The following DNAH3 variants were observed in gnomAD, a reference collection of about 807,000 sequenced individuals.
DNAH3 encodes dynein axonemal heavy chain 3.
DNAH3 carries 332 observed loss-of-function variants against 432.5 expected under a neutral mutation model. The observed-to-expected ratio is 0.77, with a 90% CI of 0.70 to 0.84. The LOEUF (loss-of-function observed/expected upper bound fraction) is 0.84. DNAH3 is among the 40% of genes least tolerant of loss of function. DNAH3 has a pLI of 0.00. For missense variants in DNAH3, 4,861 were observed against 5,114.0 expected (o/e 0.95, Z 1.51); for synonymous variants, 1,956 against 1,900.2 (o/e 1.03, Z -0.76).
At chr16:20,980,241 A>AATATACATCATATATTATAT (rs1567571879) in intron 49 of DNAH3, among the ~76,000 whole-genome samples, 19 of 97,824 alleles carry the variant, frequency 1.9e-4, no homozygotes, top group South Asian at 1.2e-3. Flanking sequence ...TATATTATAT[A>AATATACATCATATATTATAT]TATAATATAC....
intron 16 of DNAH3, among the ~76,000 whole-genome samples, chr16:21,099,285 G>GATGGATGA (rs1395153443): frequency 1.3e-5 from 2 of 152,040 alleles, no homozygotes; most frequent in African/African-American, 4.8e-5. Flanking sequence ...CAGATGGATG[G>GATGGATGA]ATGGATGAAT....
In DNAH3 at chr16:20,936,399, G is replaced by A. The variant is rs548685295; in HGVS notation, c.11859+250C>T. ...TCGAACTCCTGACCTCAAGTGATCCGCCTGCCTCGGCCTCCCAGAGTGCTG... is the reference window on the plus strand; with the variant it reads ...TCGAACTCCTGACCTCAAGTGATCCACCTGCCTCGGCCTCCCAGAGTGCTG... On this transcript the variant is annotated intron_variant, in intron 60 of 61. Coordinates refer to ENST00000261383, the Ensembl canonical transcript of DNAH3. Among the ~76,000 whole-genome samples the A allele has an allele frequency of 5.3e-5, 8 of 151,772 alleles. No individual in the cohort carries two copies. In the East Asian group the frequency reaches 5.8e-4, roughly 11 times the overall value.
exon 20 of DNAH3, chr16:21,081,677 G>C: frequency 3.1e-6 from 5 of 1,613,914 alleles, no homozygotes; most frequent in Non-Finnish European, 4.2e-6. Context: ...GCATATTTGA[G>C]AGGCAGGTCG....
chr16:21,125,398 A>C (rs1214390687), intron 8 of DNAH3, 28 bp from the exon 10 acceptor site: 8 of 1,543,216 alleles, frequency 5.2e-6, no homozygotes, highest in Non-Finnish European at 7.0e-6. Context: ...TGTCCATGTG[A>C]GAAGCTCTTC....
At chr16:20,985,446 C>T (rs2086145056) in exon 48 of DNAH3, 5 of 1,614,180 alleles carry the variant, frequency 3.1e-6, no homozygotes, top group African/African-American at 1.3e-5. Flanking sequence ...CTATGCCCAC[C>T]AGGAGCAGGT....
chr16:21,134,531 T>C, intron 6 of DNAH3, 77 bp from the exon 8 acceptor site: 1 of 1,399,078 alleles, frequency 7.1e-7, no homozygotes, highest in Non-Finnish European at 9.7e-7. Context: ...TTTAGTTTTG[T>C]TTTTAATATA....
At position 21,033,954 on chromosome 16, in the gene DNAH3, G is replaced by C. The variant is rs374681485; in HGVS notation, c.5197+20C>G. Reference sequence around the variant, plus strand: ...GCGAGGAGTTCTGTCCTCCCTGGAAGCCAGGGATGTGAGCTTTACCTGCGT... The same window carrying C: ...GCGAGGAGTTCTGTCCTCCCTGGAACCCAGGGATGTGAGCTTTACCTGCGT... On this transcript the variant is annotated intron_variant, in intron 36 of 61. Coordinates refer to ENST00000261383, the Ensembl canonical transcript of DNAH3. 7.0e-6 allele frequency: 11 copies of C among 1,566,796 alleles called. No individual in the cohort carries two copies. Among genetic ancestry groups the C allele is most frequent in the Middle Eastern group, 1.7e-4 (1 of 5,836 alleles).
At chr16:21,135,874 T>TAAA (rs200043852) in intron 6 of DNAH3, among the ~76,000 whole-genome samples, 3 of 128,666 alleles carry the variant, frequency 2.3e-5, no homozygotes, top group Non-Finnish European at 5.0e-5. Context: ...ACCTTGTCGC[T>TAAA]AAAAAAAAAA....
chr16:21,037,601 C>T (rs950939083), intron 34 of DNAH3, among the ~76,000 whole-genome samples, 160 bp downstream of exon 34: 12 of 152,188 alleles, frequency 7.9e-5, no homozygotes, highest in Non-Finnish European at 1.3e-4. Context: ...TGCTATCTAT[C>T]ACTCTTATTA....
At chr16:21,122,759 T>C (rs1441747706) in intron 9 of DNAH3, among the ~76,000 whole-genome samples, 1 of 152,066 alleles carries the variant, frequency 6.6e-6, no homozygotes, top group African/African-American at 2.4e-5. Context: ...CAGCTGGATA[T>C]AATCTCCTCC....
At chr16:20,985,668 A>G (rs2086156807) in exon 48 of DNAH3, 4 of 1,614,176 alleles carry the variant, frequency 2.5e-6, no homozygotes, top group Non-Finnish European at 3.4e-6. Flanking sequence ...AGAGGCTTCG[A>G]ATGTTATCAT....
intron 57 of DNAH3, 96 bp downstream of exon 57, chr16:20,948,387 C>T: frequency 1.5e-6 from 2 of 1,316,264 alleles, no homozygotes; most frequent in South Asian, 1.4e-5. Context: ...CCCAAGGTCA[C>T]CCCTGGGATC....
chr16:20,982,708 A>C lies in DNAH3; in HGVS notation c.7859+13T>G, dbSNP rs1355987740. ...TGGAATATCTAGAGTCCTAAAATGC[A>C]ATCAACACTTACTCTACCCGAATGT... On this transcript the variant is annotated intron_variant, in intron 49 of 61. Coordinates refer to ENST00000261383, the Ensembl canonical transcript of DNAH3. 3 of 1,608,732 alleles carry C rather than the reference A, an allele frequency of 1.9e-6. No individual in the cohort carries two copies. The highest frequency in any genetic ancestry group is 4.5e-5 in the East Asian group (2 of 44,802).
intron 15 of DNAH3, 118 bp from the exon 16 acceptor site, chr16:21,104,712 C>T (rs140730920): frequency 3.0e-5 from 19 of 627,624 alleles, no homozygotes; most frequent in Non-Finnish European, 5.2e-5. Flanking sequence ...TGGCAATGAA[C>T]ACATGGATGA....
chr16:20,959,638 CACACACACACACACACA>C (rs2084728285), intron 53 of DNAH3, among the ~76,000 whole-genome samples: 1 of 151,440 alleles, frequency 6.6e-6, no homozygotes. Context: ...CACACACACA[CACACACACACACACACA>C]CCCCAACACA....
chr16:21,130,904 A>G (rs1204493733), intron 7 of DNAH3, among the ~76,000 whole-genome samples: 2 of 152,120 alleles, frequency 1.3e-5, no homozygotes, highest in Admixed American at 1.3e-4. Context: ...TTATTTTTTT[A>G]GCTCATAAAC....
intron 41 of DNAH3, among the ~76,000 whole-genome samples, chr16:21,011,405 G>A (rs566785802): frequency 2.6e-5 from 4 of 152,182 alleles, no homozygotes; most frequent in Middle Eastern, 3.4e-3. Context: ...CAGTGGTCAC[G>A]CATGGCTGTA....
At chr16:21,060,526 C>CTTTTTTTTTTTT (rs375746116) in intron 25 of DNAH3, among the ~76,000 whole-genome samples, 170 bp from the exon 26 acceptor site, 201 of 93,268 alleles carry the variant, frequency 2.2e-3, no homozygotes, top group Non-Finnish European at 2.5e-3. Flanking sequence ...TTTTTTTTTT[C>CTTTTTTTTTTTT]TTTTTTTTTT....
intron 52 of DNAH3, among the ~76,000 whole-genome samples, chr16:20,967,446 C>T (rs1030175936): frequency 1.3e-5 from 2 of 149,894 alleles, no homozygotes; most frequent in Non-Finnish European, 2.9e-5. Context: ...GGCTGCATCC[C>T]AGACCAATGG....
Sources: allele counts gnomAD v4.1 joint callset (sites outside exome capture counted in the v4.1 genomes callset), GRCh38; gene constraint gnomAD v4.1.1; transcripts MANE v1.5; gene names NCBI Gene and HGNC (gene_info 2026-07-23, HGNC 2026-07-21).